The following WDPCP variants were observed in gnomAD, a reference collection of about 807,000 sequenced individuals.
WDPCP encodes the protein WD repeat containing planar cell polarity effector, also known as WD repeat-containing and planar cell polarity effector protein fritz homolog.
In WDPCP, 71 loss-of-function variants were observed where a neutral mutation model predicts 93.1. The observed-to-expected ratio is 0.76, with a 90% CI of 0.63 to 0.93. WDPCP has a LOEUF of 0.93. Ranked by LOEUF, WDPCP falls within the 40% of genes least tolerant of loss-of-function variation. WDPCP has a pLI of 0.00. For missense variants in WDPCP, 844 were observed against 887.4 expected (o/e 0.95, Z 0.62); for synonymous variants, 315 against 315.0 (o/e 1.00, Z 0.00).
rs190348369 is a variant in WDPCP, at chr2:63,278,556, G to A, written c.1813-19147C>T. ...CAAAGGAGAACATCCAGCTGGGCAC[G>A]GTGGCTCATGCCTGTAATCTCAGCA... is the stretch of plus-strand genomic sequence containing the variant. On this transcript the variant is annotated intron_variant, in intron 13 of 17. Coordinates refer to ENST00000272321, the MANE Select transcript of WDPCP (RefSeq NM_015910.7). 2.7e-3 allele frequency among the ~76,000 whole-genome samples: 404 copies of A among 152,256 alleles called. 4 individuals carry two copies. Among genetic ancestry groups the A allele is most frequent in the Non-Finnish European group, 3.6e-3 (242 of 68,014 alleles).
intron 3 of WDPCP, chr2:63,604,670 A>G (rs368563031): frequency 1.9e-6 from 3 of 1,577,290 alleles, no homozygotes; most frequent in Non-Finnish European, 2.6e-6. Context: ...TTGTCTCAGT[A>G]ATGTATTTGT....
intron 2 of WDPCP, among the ~76,000 whole-genome samples, chr2:63,793,394 G>A (rs892403591): frequency 1.3e-5 from 2 of 152,154 alleles, no homozygotes; most frequent in African/African-American, 4.8e-5. Context: ...AGCTGCTTGA[G>A]GTCAGGAGTT....
chr2:63,415,726 G>A (rs970753572), intron 9 of WDPCP, among the ~76,000 whole-genome samples: 2 of 152,214 alleles, frequency 1.3e-5, no homozygotes, highest in African/African-American at 4.8e-5. Flanking sequence ...ATCAGAGAGA[G>A]GAAATGGGAA....
Position 63,575,469 on chromosome 2 carries a change from A to ACAGTGTATACACT in WDPCP, c.75+12727_75+12728insAGTGTATACACTG, listed in dbSNP as rs760952950. ...TACACTGTATATACAGTATATATGC[A>ACAGTGTATACACT]GTATATACAGTGTATATATAGTATA... On this transcript the variant is annotated intron_variant, in intron 1 of 17. Coordinates refer to ENST00000272321, the MANE Select transcript of WDPCP (RefSeq NM_015910.7). 1.2e-4 allele frequency among the ~76,000 whole-genome samples: 2 copies of ACAGTGTATACACT among 16,314 alleles called. 1 individual carries two copies. The highest frequency in any genetic ancestry group is 2.3e-4 in the Non-Finnish European group (2 of 8,622). 10.7% of individuals were successfully genotyped at this position (16,314 alleles called of 152,430 possible). A position where few individuals can be genotyped will look rare whatever the true frequency, so the allele number is the denominator to read the frequency against.
chr2:63,402,388 C>T (rs1023867075), intron 10 of WDPCP, among the ~76,000 whole-genome samples: 8 of 152,064 alleles, frequency 5.3e-5, no homozygotes, highest in Non-Finnish European at 1.5e-5. Flanking sequence ...ACCTAGATGA[C>T]AGGTTGATAG....
At chr2:63,557,740 A>ATTGAAAG (rs1378760778) in intron 1 of WDPCP, among the ~76,000 whole-genome samples, 1 of 152,204 alleles carries the variant, frequency 6.6e-6, no homozygotes, top group Non-Finnish European at 1.5e-5. Flanking sequence ...CTATCACATA[A>ATTGAAAG]TTGAAAGTAA....
chr2:63,457,912 T>C (rs183200993), intron 6 of WDPCP, among the ~76,000 whole-genome samples: 30 of 152,088 alleles, frequency 2.0e-4, no homozygotes, highest in Non-Finnish European at 1.3e-4. Flanking sequence ...GATCATGAGG[T>C]CAAGAGATCA....
At chr2:63,168,124 A>G (rs1047779635) in intron 15 of WDPCP, among the ~76,000 whole-genome samples, 200 of 151,812 alleles carry the variant, frequency 1.3e-3, no homozygotes, top group African/African-American at 4.6e-3. Context: ...AAAAAAAAAA[A>G]AAAAGGAATA....
At chr2:63,823,951 G>T (rs1193122857) in intron 1 of WDPCP, among the ~76,000 whole-genome samples, 1 of 151,968 alleles carries the variant, frequency 6.6e-6, no homozygotes, top group Non-Finnish European at 1.5e-5. Flanking sequence ...AGGCAGGAGG[G>T]TTGCTTGAGC....
intron 17 of WDPCP, among the ~76,000 whole-genome samples, chr2:63,141,041 G>A (rs539211628): frequency 2.6e-5 from 4 of 152,000 alleles, no homozygotes; most frequent in South Asian, 4.2e-4. Flanking sequence ...GGATTTTGTC[G>A]AATGCTTTTT....
At chr2:63,169,899 T>G (rs947465693) in intron 15 of WDPCP, among the ~76,000 whole-genome samples, 2 of 129,916 alleles carry the variant, frequency 1.5e-5, no homozygotes, top group Non-Finnish European at 3.6e-5. Context: ...TTCAGTGGAC[T>G]TTTTTTTTTT....
intron 12 of WDPCP, among the ~76,000 whole-genome samples, chr2:63,347,526 T>C (rs1383900933): frequency 2.6e-5 from 4 of 152,206 alleles, no homozygotes; most frequent in Non-Finnish European, 5.9e-5. Flanking sequence ...ATAGTGTTGC[T>C]CTACTGTCAT....
chr2:63,793,008 C>T (rs1670565764), intron 2 of WDPCP, among the ~76,000 whole-genome samples: 2 of 151,986 alleles, frequency 1.3e-5, no homozygotes. Flanking sequence ...ATGCTCTCCT[C>T]TTCTTAATTT....
intron 3 of WDPCP, chr2:63,622,461 G>T: frequency 6.2e-7 from 1 of 1,613,976 alleles, no homozygotes; most frequent in Non-Finnish European, 8.5e-7. Flanking sequence ...GCGGATTTCA[G>T]TCCAGCCGCT....
intron 6 of WDPCP, among the ~76,000 whole-genome samples, chr2:63,466,733 G>C (rs1699367536): frequency 6.6e-6 from 1 of 152,178 alleles, no homozygotes; most frequent in East Asian, 1.9e-4. Context: ...AGAGGAGTTA[G>C]ATTATTCAGA....
intron 1 of WDPCP, among the ~76,000 whole-genome samples, chr2:63,543,271 A>T (rs960507705): frequency 1.3e-5 from 2 of 152,152 alleles, no homozygotes; most frequent in Non-Finnish European, 2.9e-5. Context: ...ATACACATAT[A>T]GTTTGTGTAA....
chr2:63,523,693 T>C (rs766705845), intron 1 of WDPCP, among the ~76,000 whole-genome samples: 5 of 152,134 alleles, frequency 3.3e-5, no homozygotes, highest in African/African-American at 4.8e-5. Context: ...GGGCGGATCA[T>C]CTGAGGTCAG....
chr2:63,686,741 G>A (rs1251363964), intron 2 of WDPCP, among the ~76,000 whole-genome samples: 1 of 152,142 alleles, frequency 6.6e-6, no homozygotes, highest in African/African-American at 2.4e-5. Context: ...TAAAGGCACA[G>A]CATACAGAAC....
At chr2:63,361,300 T>G (rs886710726) in intron 12 of WDPCP, among the ~76,000 whole-genome samples, 1 of 152,236 alleles carries the variant, frequency 6.6e-6, no homozygotes, top group African/African-American at 2.4e-5. Flanking sequence ...CAGTGTATTA[T>G]TGTGGCCAAA....
Sources: allele counts gnomAD v4.1 joint callset (sites outside exome capture counted in the v4.1 genomes callset), GRCh38; gene constraint gnomAD v4.1.1; transcripts MANE v1.5; gene names NCBI Gene and HGNC (gene_info 2026-07-23, HGNC 2026-07-21).